EXOC4: variants seen among roughly 807,000 people sequenced by gnomAD.
EXOC4 encodes the protein exocyst complex component 4, also known as SEC8-like 1.
Under a neutral mutation model 107.2 loss-of-function variants are expected in EXOC4, and 71 were observed. That is an observed-to-expected ratio of 0.66 (90% CI 0.55 to 0.81). The LOEUF is 0.81. EXOC4 is among the 30% of genes least tolerant of loss of function. The pLI is 0.00. For missense variants in EXOC4, 1,108 were observed against 1,189.6 expected, an observed-to-expected ratio of 0.93 and a Z score of 1.01; for synonymous variants, 456 against 441.2, an observed-to-expected ratio of 1.03 and a Z score of -0.42.
Position 134,064,605 on chromosome 7 carries a change from T to C in EXOC4, c.*77T>C. On this transcript the variant is annotated 3_prime_UTR_variant, in exon 18 of 18. Transcript: ENST00000253861. ...TTCCTTGGTATGTTATTGAGTATAT[T>C]CTGAGCTTAGTTTTCTCTACAGTGA... 1.0e-6 allele frequency: 1 copy of C among 978,776 alleles called. No individual in the cohort carries two copies. The highest frequency in any genetic ancestry group is 2.2e-4 in the Middle Eastern group (1 of 4,528). The allele number at this position is 978,776 out of a possible 1,614,324, so 60.6% of individuals were successfully genotyped here.
chr7:133,884,978 T>C (rs866608153), intron 11 of EXOC4, among the ~76,000 whole-genome samples: 3 of 152,244 alleles, frequency 2.0e-5, no homozygotes, highest in South Asian at 4.1e-4. Flanking sequence ...CCCAAGACTT[T>C]CAGCCACAAT....
chr7:133,853,056 GT>G (rs1798268741), intron 11 of EXOC4, among the ~76,000 whole-genome samples: 1 of 152,154 alleles, frequency 6.6e-6, no homozygotes, highest in Non-Finnish European at 1.5e-5. Flanking sequence ...TGCTCCTAAT[GT>G]TCAGAATCCA....
chr7:133,795,350 A>C (rs1157892102), intron 10 of EXOC4, among the ~76,000 whole-genome samples: 2 of 152,178 alleles, frequency 1.3e-5, no homozygotes, highest in African/African-American at 4.8e-5. Flanking sequence ...GGAGTTTATT[A>C]GTCTTTGTGG....
intron 10 of EXOC4, among the ~76,000 whole-genome samples, chr7:133,636,631 G>A (rs1802718844): frequency 6.6e-6 from 1 of 152,142 alleles, no homozygotes; most frequent in Non-Finnish European, 1.5e-5. Context: ...GGATGATGAT[G>A]CCATTCAAAT....
At chr7:133,392,379 C>T (rs1256317692) in intron 7 of EXOC4, among the ~76,000 whole-genome samples, 1 of 152,138 alleles carries the variant, frequency 6.6e-6, no homozygotes, top group East Asian at 1.9e-4. Flanking sequence ...ACCATCCCTC[C>T]TGGTGTTGTA....
At chr7:133,736,503 C>T (rs915588879) in intron 10 of EXOC4, among the ~76,000 whole-genome samples, 2 of 152,216 alleles carry the variant, frequency 1.3e-5, no homozygotes, top group African/African-American at 4.8e-5. Flanking sequence ...GACCATTGCT[C>T]TAACTCATCA....
At chr7:133,642,340 C>T (rs1051804006) in intron 10 of EXOC4, among the ~76,000 whole-genome samples, 5 of 152,148 alleles carry the variant, frequency 3.3e-5, no homozygotes, top group African/African-American at 4.8e-5. Flanking sequence ...TCCTTTTTTA[C>T]ACGTAGAAGA....
At position 133,787,964 on chromosome 7, in the gene EXOC4, TATATATATATATATATATA is replaced by T. The variant is rs1562997639; in HGVS notation, c.1515-29360_1515-29342del. 1.4e-3 allele frequency among the ~76,000 whole-genome samples: 13 copies of T among 9,240 alleles called. 1 individual carries two copies. The highest frequency in any genetic ancestry group is 2.4e-3 in the Non-Finnish European group (9 of 3,688). The allele number at this position is 9,240 out of a possible 152,430, so 6.1% of individuals were successfully genotyped here. ...TTCCCTGTGCATATATTTATATATTTATATATATATATATATATATATATATATATATATATATATATAT... is the reference window on the plus strand; with the variant it reads ...TTCCCTGTGCATATATTTATATATTTTATATATATATATATATATATATAT... On this transcript the variant is annotated intron_variant, in intron 10 of 17. Coordinates refer to ENST00000253861, the MANE Select transcript of EXOC4 (RefSeq NM_021807.4).
chr7:133,639,447 T>C (rs1802798294), intron 10 of EXOC4, among the ~76,000 whole-genome samples: 1 of 152,206 alleles, frequency 6.6e-6, no homozygotes, highest in African/African-American at 2.4e-5. Context: ...TATTTTTCAT[T>C]TCATGGTCAT....
Position 133,855,094 on chromosome 7 carries a change from T to TATATCTAAATATATATATAA in EXOC4, c.1734+37554_1734+37555insCTAAATATATATATAAATAT, listed in dbSNP as rs1554409756. Reference sequence around the variant, plus strand: ...CTAAATATATCTAAATATATATAAATATATATATAAATATATATAAATATA... The same window carrying TATATCTAAATATATATATAA: ...CTAAATATATCTAAATATATATAAATATATCTAAATATATATATAAATATATATAAATATATATAAATATA... On this transcript the variant is annotated intron_variant, in intron 11 of 17. Transcript: ENST00000253861. Among the ~76,000 whole-genome samples, 24 of 84,426 alleles carry TATATCTAAATATATATATAA rather than the reference T, an allele frequency of 2.8e-4. 1 individual carries two copies. Among genetic ancestry groups the TATATCTAAATATATATATAA allele is most frequent in the African/African-American group, 1.4e-3 (23 of 16,702 alleles). 55.4% of individuals were successfully genotyped at this position (84,426 alleles called of 152,430 possible).
At chr7:133,636,730 C>A (rs1485282429) in intron 10 of EXOC4, among the ~76,000 whole-genome samples, 1 of 152,206 alleles carries the variant, frequency 6.6e-6, no homozygotes, top group African/African-American at 2.4e-5. Context: ...TAATTATTCA[C>A]ACCTCATTAA....
intron 10 of EXOC4, among the ~76,000 whole-genome samples, chr7:133,673,849 A>G (rs887707307): frequency 3.3e-5 from 5 of 152,196 alleles, no homozygotes; most frequent in Admixed American, 3.3e-4. Context: ...TCTGTGTTGT[A>G]CCAGCTCATA....
intron 17 of EXOC4, among the ~76,000 whole-genome samples, chr7:134,038,254 T>C (rs545008841): frequency 1.3e-5 from 2 of 152,200 alleles, no homozygotes; most frequent in Non-Finnish European, 2.9e-5. Context: ...ACACGGCAAA[T>C]TGAGGATTTT....
intron 13 of EXOC4, among the ~76,000 whole-genome samples, chr7:133,929,178 G>T (rs1248104025): frequency 6.6e-6 from 1 of 151,798 alleles, no homozygotes; most frequent in Non-Finnish European, 1.5e-5. Context: ...TGATCTATTC[G>T]CCTTGGCCTC....
chr7:133,772,247 A>G (rs1397945588), intron 10 of EXOC4, among the ~76,000 whole-genome samples: 2 of 152,000 alleles, frequency 1.3e-5, no homozygotes, highest in Admixed American at 6.6e-5. Flanking sequence ...GCAGACAGAG[A>G]TGTTACTGCA....
intron 9 of EXOC4, among the ~76,000 whole-genome samples, chr7:133,481,867 G>T (rs1799166427): frequency 6.6e-6 from 1 of 152,164 alleles, no homozygotes; most frequent in South Asian, 2.1e-4. Flanking sequence ...TCATGCTCTA[G>T]CAGGCTTTCT....
At chr7:133,406,844 A>G (rs1287937442) in intron 7 of EXOC4, among the ~76,000 whole-genome samples, 3 of 152,332 alleles carry the variant, frequency 2.0e-5, no homozygotes, top group East Asian at 3.9e-4. Flanking sequence ...TGGTATTACT[A>G]TAGTCCTCCA....
At chr7:133,609,349 C>T (rs185049472) in intron 9 of EXOC4, among the ~76,000 whole-genome samples, 3 of 152,240 alleles carry the variant, frequency 2.0e-5, no homozygotes, top group Non-Finnish European at 4.4e-5. Context: ...GATGTTTATG[C>T]CAAATGAGTT....
rs2150993624 is a variant in EXOC4 at position 133,608,094 on chromosome 7, A to G, written c.1418-21951A>G. Among the ~76,000 whole-genome samples, 3 of 152,312 alleles carry G rather than the reference A, an allele frequency of 2.0e-5. No homozygotes were observed. The South Asian group carries it at 6.2e-4, about 32-fold the overall frequency. On this transcript the variant is annotated intron_variant, in intron 9 of 17. Transcript: ENST00000253861. ...ACTCAAAGTTGTTCAGAATTTCATAATAGAATTTTCCTGGGGGTTTATTGT... is the reference window on the plus strand; with the variant it reads ...ACTCAAAGTTGTTCAGAATTTCATAGTAGAATTTTCCTGGGGGTTTATTGT...
Sources: gnomAD v4.1 joint callset for allele counts (sites outside exome capture counted in the v4.1 genomes callset) on GRCh38, gnomAD v4.1.1 for gene constraint, MANE v1.5 for transcripts, NCBI Gene and HGNC (gene_info 2026-07-23, HGNC 2026-07-21) for gene names.